APC: variants seen among roughly 807,000 people sequenced by gnomAD.
APC encodes the protein adenomatous polyposis coli protein.
Under a neutral mutation model 247.0 loss-of-function variants are expected in APC, and 72 were observed. The ratio of observed to expected loss-of-function variants is 0.29; its 90% CI spans 0.24 to 0.35. The LOEUF (loss-of-function observed/expected upper bound fraction) is 0.35, where lower values mean the gene tolerates loss of function less well. Ranked by LOEUF, APC falls within the 10% of genes least tolerant of loss-of-function variation. The pLI is 1.00. For missense variants in APC, 3,400 were observed against 3,360.7 expected (o/e 1.01, Z -0.29); for synonymous variants, 1,254 against 1,162.5 (o/e 1.08, Z -1.60).
chr5:112,785,206 C>G lies in APC; in HGVS notation c.645+4303C>G, dbSNP rs562424356. 1.4e-3 allele frequency among the ~76,000 whole-genome samples: 213 copies of G among 152,176 alleles called. 3 individuals are homozygous for G. The highest frequency in any genetic ancestry group is 5.0e-3 in the African/African-American group (208 of 41,524). ...AAAAACAAAATAAGTGTTATGAATC[C>G]TACACTATTTTTGAACTAGAAAGGA... On this transcript the variant is annotated intron_variant, in intron 6 of 15. Coordinates refer to ENST00000257430, the MANE Select transcript of APC (RefSeq NM_000038.6).
intron 1 of APC, among the ~76,000 whole-genome samples, chr5:112,752,956 A>G (rs1754545446): frequency 6.6e-6 from 1 of 152,152 alleles, no homozygotes; most frequent in Non-Finnish European, 1.5e-5. Context: ...GTCTCTGCTC[A>G]TCTTGCCCAT....
chr5:112,771,259 C>T (rs760157014), intron 4 of APC, among the ~76,000 whole-genome samples: 7 of 151,966 alleles, frequency 4.6e-5, no homozygotes, highest in African/African-American at 7.2e-5. Flanking sequence ...TTTATGTTTT[C>T]GGGAGCAGAA....
chr5:112,783,373 G>C (rs1373569320), intron 6 of APC, among the ~76,000 whole-genome samples: 1 of 152,072 alleles, frequency 6.6e-6, no homozygotes, highest in East Asian at 1.9e-4. Context: ...TCTGGAAATA[G>C]TTATATGAAG....
chr5:112,726,395 C>T (rs540761916), intron 1 of APC, among the ~76,000 whole-genome samples: 1 of 152,274 alleles, frequency 6.6e-6, no homozygotes, highest in African/African-American at 2.4e-5. Context: ...TTTGGCTATC[C>T]AGTAGGCAAT....
rs1378055329 is a variant in APC at position 112,773,637 on chromosome 5, A to G, written c.423-1992A>G. 2.6e-5 allele frequency among the ~76,000 whole-genome samples: 4 copies of G among 152,196 alleles called. No individual in the cohort carries two copies. The East Asian group carries it at 7.7e-4, about 29-fold the overall frequency. ...GAAAACATGTTATTAAGAAAATCATAATGAAGTGGAAGGGAATTCTTGTAT... is the reference window on the plus strand; with the variant it reads ...GAAAACATGTTATTAAGAAAATCATGATGAAGTGGAAGGGAATTCTTGTAT... On this transcript the variant is annotated intron_variant, in intron 4 of 15. Transcript: ENST00000257430.
chr5:112,815,411 C>T lies in APC; in HGVS notation c.835-84C>T, dbSNP rs961000273. ...TATTTAATTGTTTATCATACAGACA[C>T]TTCATTTGGAGTACCTTAACATGAT... On this transcript the variant is annotated intron_variant, in intron 8 of 15. Transcript: ENST00000257430. 4 of 952,604 alleles carry T rather than the reference C, an allele frequency of 4.2e-6. No individual in the cohort carries two copies. In the African/African-American group the frequency reaches 6.5e-5, roughly 15 times the overall value. 59.0% of individuals were successfully genotyped at this position (952,604 alleles called of 1,614,324 possible).
At chr5:112,810,924 C>G (rs947601515) in intron 8 of APC, among the ~76,000 whole-genome samples, 1 of 152,122 alleles carries the variant, frequency 6.6e-6, no homozygotes, top group Non-Finnish European at 1.5e-5. Context: ...ACTCTGGAGG[C>G]TGAAGCAGGA....
chr5:112,776,515 C>T (rs1171720982), intron 5 of APC, among the ~76,000 whole-genome samples: 1 of 152,166 alleles, frequency 6.6e-6, no homozygotes, highest in Non-Finnish European at 1.5e-5. Flanking sequence ...ACCTTTTAGT[C>T]AGTGTAACAC....
chr5:112,792,197 G>C (rs1431537307), intron 6 of APC, among the ~76,000 whole-genome samples: 1 of 151,762 alleles, frequency 6.6e-6, no homozygotes, highest in African/African-American at 2.4e-5. Context: ...GGTGAGCTGA[G>C]ATTATGCCAC....
At chr5:112,831,113 A>AT (rs5870514) in intron 14 of APC, among the ~76,000 whole-genome samples, 4,702 of 145,850 alleles carry the variant, frequency 0.032, 107 homozygotes, top group African/African-American at 0.064. Flanking sequence ...TCTTCTATAA[A>AT]TTTTTTTTTT....
At chr5:112,828,688 A>T (rs1352292660) in intron 13 of APC, among the ~76,000 whole-genome samples, 168 bp from the exon 14 acceptor site, 1 of 152,030 alleles carries the variant, frequency 6.6e-6, no homozygotes, top group Non-Finnish European at 1.5e-5. Context: ...GTCTCAGGAG[A>T]TCCTCCTGCC....
intron 6 of APC, among the ~76,000 whole-genome samples, chr5:112,789,945 C>T (rs1012890590): frequency 6.6e-6 from 1 of 151,922 alleles, no homozygotes; most frequent in South Asian, 2.1e-4. Flanking sequence ...CTGCAACCTC[C>T]GCCTCCCAGG....
At chr5:112,797,693 A>T (rs1411495764) in intron 7 of APC, among the ~76,000 whole-genome samples, 1 of 152,204 alleles carries the variant, frequency 6.6e-6, no homozygotes, top group East Asian at 1.9e-4. Context: ...GATAATAGCA[A>T]ATGAAGAATA....
In APC at chr5:112,821,936, T is replaced by G. The variant is rs1387916046; in HGVS notation, c.1353T>G (p.Cys451Trp). The change falls in exon 11 of 16, where the codon TGT (cysteine) becomes TGG (tryptophan). Residue 451 changes from cysteine (C) to tryptophan (W), a missense_variant. Physicochemically the swap from Cys to Trp is radical, Grantham distance 215. Coordinates refer to ENST00000257430, the MANE Select transcript of APC (RefSeq NM_000038.6). ...PVEHQICPAV[C>W]VLMKLSFDEE... is the part of the protein sequence containing the mutation. The stretch of plus-strand genomic sequence containing the variant: ...AACATCAGATCTGTCCTGCTGTGTG[T>G]GTTCTAATGAAACTTTCATTTGATG... The G allele has an allele frequency of 3.1e-6, 5 of 1,613,422 alleles. No homozygotes were observed.
At chr5:112,752,609 G>T (rs893868927) in intron 1 of APC, among the ~76,000 whole-genome samples, 1 of 152,168 alleles carries the variant, frequency 6.6e-6, no homozygotes, top group Non-Finnish European at 1.5e-5. Context: ...GATCACACAA[G>T]TTTCAAATTT....
chr5:112,783,574 C>T (rs574964022), intron 6 of APC, among the ~76,000 whole-genome samples: 12 of 149,692 alleles, frequency 8.0e-5, no homozygotes, highest in Non-Finnish European at 1.6e-4. Context: ...AGAAGGATCA[C>T]TTGAGCCCAG....
chr5:112,717,411 C>G (rs539468382), intron 1 of APC, among the ~76,000 whole-genome samples: 5 of 152,064 alleles, frequency 3.3e-5, no homozygotes, highest in Non-Finnish European at 1.5e-5. Flanking sequence ...CATGTCTTTA[C>G]CATCTTTTTA....
rs1364012761 is a variant in APC, at chr5:112,827,192, G to A, written c.1493G>A (p.Arg498Lys). Residue 498 changes from arginine to lysine, a missense_variant, in exon 12 of 16, where the codon AGA (arginine) becomes AAA (lysine). Arg to Lys is a conservative substitution (Grantham distance 26, BLOSUM62 2). Transcript: ENST00000257430. The stretch of plus-strand genomic sequence containing the variant: ...AATGACCACTACAGTATTACACTAA[G>A]ACGATATGCTGGAATGGCTTTGACA... ...LTNDHYSITLRRYAGMALTNL... is the reference protein window; with the variant it reads ...LTNDHYSITLKRYAGMALTNL... 6.2e-7 allele frequency: 1 copy of A among 1,613,910 alleles called. No individual in the cohort carries two copies. Among genetic ancestry groups the A allele is most frequent in the Non-Finnish European group, 8.5e-7 (1 of 1,179,912 alleles).
intron 6 of APC, among the ~76,000 whole-genome samples, chr5:112,789,609 A>G (rs1399556385): frequency 6.6e-6 from 1 of 152,130 alleles, no homozygotes; most frequent in African/African-American, 2.4e-5. Flanking sequence ...TTAGGCCTAT[A>G]TTGATGGAAG....
Sources: allele counts gnomAD v4.1 joint callset (sites outside exome capture counted in the v4.1 genomes callset), GRCh38; gene constraint gnomAD v4.1.1; transcripts MANE v1.5; gene names NCBI Gene and HGNC (gene_info 2026-07-23, HGNC 2026-07-21).